CDH13: variants seen among roughly 807,000 people sequenced by gnomAD.
The protein encoded by CDH13 is cadherin-13.
A neutral mutation model predicts 63.8 loss-of-function variants in CDH13; 24 were observed. The observed-to-expected ratio is 0.38, with a 90% CI of 0.27 to 0.53. The LOEUF (loss-of-function observed/expected upper bound fraction) is 0.53, where lower values mean the gene tolerates loss of function less well. Among genes scored for constraint, CDH13 ranks in the 20% least tolerant of loss-of-function variants. CDH13 has a pLI of 0.85. For synonymous variants in CDH13, 503 were observed against 355.3 expected, an observed-to-expected ratio of 1.42 and a Z score of -4.67; for missense variants, 1,049 against 903.1, an observed-to-expected ratio of 1.16 and a Z score of -2.07.
chr16:82,765,329 A>G (rs11150493), intron 1 of CDH13, among the ~76,000 whole-genome samples: 23,081 of 152,184 alleles, frequency 0.15, 1,854 homozygotes, highest in African/African-American at 0.19. Context: ...AGATACTGCT[A>G]TTATGCATCT....
At chr16:82,947,411 C>A (rs948220937) in intron 2 of CDH13, among the ~76,000 whole-genome samples, 1 of 152,114 alleles carries the variant, frequency 6.6e-6, no homozygotes, top group African/African-American at 2.4e-5. Flanking sequence ...TTGGATAATA[C>A]TGGAAAAACG....
intron 2 of CDH13, among the ~76,000 whole-genome samples, chr16:82,978,410 C>A (rs1423002502): frequency 6.6e-6 from 1 of 152,204 alleles, no homozygotes; most frequent in African/African-American, 2.4e-5. Context: ...CAGGGGTCTT[C>A]ATGGCAGCCC....
chr16:83,087,592 C>T (rs372055313), intron 3 of CDH13, among the ~76,000 whole-genome samples: 2 of 134,592 alleles, frequency 1.5e-5, no homozygotes, highest in East Asian at 5.0e-4. Flanking sequence ...CACTTGAACG[C>T]GGGAGCCGGA....
At chr16:83,320,965 A>C (rs2090211213) in intron 5 of CDH13, among the ~76,000 whole-genome samples, 1 of 152,232 alleles carries the variant, frequency 6.6e-6, no homozygotes. Flanking sequence ...GTCTTTGGAA[A>C]ATGCTAAGTA....
intron 3 of CDH13, among the ~76,000 whole-genome samples, chr16:83,083,577 G>A (rs989816786): frequency 6.6e-6 from 1 of 152,134 alleles, no homozygotes; most frequent in Non-Finnish European, 1.5e-5. Flanking sequence ...CCGAAATTCT[G>A]TTGTTTTCTC....
At chr16:82,744,952 A>G (rs941114813) in intron 1 of CDH13, among the ~76,000 whole-genome samples, 4 of 152,180 alleles carry the variant, frequency 2.6e-5, no homozygotes, top group African/African-American at 9.7e-5. Flanking sequence ...ATAAATAGCC[A>G]TATGTCTCAT....
chr16:83,677,699 C>T (rs1310241425), intron 9 of CDH13, among the ~76,000 whole-genome samples: 1 of 152,096 alleles, frequency 6.6e-6, no homozygotes, highest in African/African-American at 2.4e-5. Flanking sequence ...CCATTTGATC[C>T]ACTGTGATCA....
At chr16:83,489,175 A>G (rs1300898494) in intron 7 of CDH13, among the ~76,000 whole-genome samples, 1 of 152,258 alleles carries the variant, frequency 6.6e-6, no homozygotes, top group East Asian at 1.9e-4. Flanking sequence ...CTATTTATAA[A>G]TCAAAGTGAT....
chr16:82,886,262 A>C lies in CDH13; in HGVS notation c.157+27789A>C, dbSNP rs111427799. The stretch of plus-strand genomic sequence containing the variant: ...CCTTATTCAGTTATTTCCTTAGATT[A>C]AGTTTTCAGAAGTGAAATTGGTGGT... On this transcript the variant is annotated intron_variant, in intron 2 of 13. Transcript: ENST00000567109. Among the ~76,000 whole-genome samples, 1,140 of 152,298 alleles carry C rather than the reference A, an allele frequency of 7.5e-3. 19 individuals carry two copies. Among genetic ancestry groups the C allele is most frequent in the African/African-American group, 0.026 (1,088 of 41,562 alleles).
chr16:83,586,086 G>T (rs1180341469), intron 7 of CDH13, among the ~76,000 whole-genome samples: 2 of 152,222 alleles, frequency 1.3e-5, no homozygotes, highest in Non-Finnish European at 2.9e-5. Flanking sequence ...CCAACATGTA[G>T]TAAGTGCTCT....
intron 2 of CDH13, among the ~76,000 whole-genome samples, chr16:82,986,944 C>G (rs1210619741): frequency 6.6e-6 from 1 of 152,148 alleles, no homozygotes; most frequent in East Asian, 1.9e-4. Flanking sequence ...GGAAAGGGAA[C>G]AGAAAACATG....
intron 1 of CDH13, among the ~76,000 whole-genome samples, chr16:82,667,454 A>G (rs911135450): frequency 1.3e-5 from 2 of 152,214 alleles, no homozygotes; most frequent in Non-Finnish European, 2.9e-5. Context: ...TCCTCCACTC[A>G]TTCCCATCTG....
At chr16:83,345,783 A>G (rs1280788998) in intron 6 of CDH13, among the ~76,000 whole-genome samples, 2 of 152,222 alleles carry the variant, frequency 1.3e-5, no homozygotes, top group Admixed American at 6.5e-5. Context: ...CAGCTTTAAA[A>G]TACACTTGAG....
chr16:83,646,071 A>G (rs1237861837), intron 8 of CDH13, among the ~76,000 whole-genome samples: 1 of 152,114 alleles, frequency 6.6e-6, no homozygotes, highest in Admixed American at 6.5e-5. Flanking sequence ...GTGTCTGTGT[A>G]GAGTACTGAT....
chr16:82,871,656 A>G (rs1470547769), intron 2 of CDH13, among the ~76,000 whole-genome samples: 1 of 92,066 alleles, frequency 1.1e-5, no homozygotes, highest in Non-Finnish European at 3.4e-5. Flanking sequence ...CAACAGTAAC[A>G]CAACTCCAAC....
chr16:83,789,513 A>AT (rs1230352284), intron 13 of CDH13, among the ~76,000 whole-genome samples: 1 of 151,512 alleles, frequency 6.6e-6, no homozygotes, highest in Non-Finnish European at 1.5e-5. Context: ...CGCCCAGCTA[A>AT]TTTTTTTGTA....
At chr16:83,481,458 C>T (rs1006797623) in intron 6 of CDH13, among the ~76,000 whole-genome samples, 12 of 152,166 alleles carry the variant, frequency 7.9e-5, no homozygotes, top group African/African-American at 2.9e-4. Flanking sequence ...AGGGGTTGGC[C>T]GTGCTTGAAG....
chr16:82,863,297 A>G (rs370831868), intron 2 of CDH13, among the ~76,000 whole-genome samples: 49 of 152,294 alleles, frequency 3.2e-4, no homozygotes, highest in African/African-American at 9.6e-4. Context: ...GTAGAGAAAT[A>G]TTCCCACTGA....
At chr16:83,132,332 C>T (rs1038915895) in intron 4 of CDH13, among the ~76,000 whole-genome samples, 6 of 151,856 alleles carry the variant, frequency 4.0e-5, no homozygotes, top group Admixed American at 1.3e-4. Context: ...TGCTGTCATC[C>T]CTCTACCTCT....
Sources: gnomAD v4.1 joint callset for allele counts (sites outside exome capture counted in the v4.1 genomes callset) on GRCh38, gnomAD v4.1.1 for gene constraint, MANE v1.5 for transcripts, NCBI Gene and HGNC (gene_info 2026-07-23, HGNC 2026-07-21) for gene names.